PLAAT3: variants seen among roughly 807,000 people sequenced by gnomAD.
PLAAT3 encodes Ca-independent phospholipase A1/2.
Under a neutral mutation model 16.7 loss-of-function variants are expected in PLAAT3, and 21 were observed. The ratio of observed to expected loss-of-function variants is 1.26; its 90% CI spans 0.89 to 1.81. The LOEUF (loss-of-function observed/expected upper bound fraction) is 1.81, where lower values mean the gene tolerates loss of function less well. PLAAT3 is among the 40% of genes most tolerant of loss of function. The probability of loss-of-function intolerance (pLI) is 0.00; values close to 1 mark genes in which losing one functional copy is unlikely to be tolerated. For missense variants in PLAAT3, 219 were observed against 213.7 expected (o/e 1.02, Z -0.16); for synonymous variants, 76 against 81.7 (o/e 0.93, Z 0.38).
chr11:63,588,977 CAAAAAAAAAAA>C (rs58090843), intron 4 of PLAAT3, among the ~76,000 whole-genome samples: 4 of 46,912 alleles, frequency 8.5e-5, no homozygotes, highest in African/African-American at 2.8e-4. Flanking sequence ...ATGAGCCAAG[CAAAAAAAAAAA>C]AAAAAAAAAA....
At chr11:63,589,012 T>TAA (rs1397992691) in intron 4 of PLAAT3, among the ~76,000 whole-genome samples, 1 of 145,202 alleles carries the variant, frequency 6.9e-6, no homozygotes, top group African/African-American at 2.5e-5. Context: ...GAGGATAATT[T>TAA]AAAAAAAAAA....
intron 4 of PLAAT3, among the ~76,000 whole-genome samples, chr11:63,588,333 G>A (rs1318293005): frequency 1.3e-5 from 2 of 152,238 alleles, no homozygotes; most frequent in African/African-American, 4.8e-5. Context: ...GTCTCCCAAA[G>A]TGCTGGGATT....
chr11:63,579,487 T>C (rs1456888614), intron 4 of PLAAT3, among the ~76,000 whole-genome samples: 1 of 151,996 alleles, frequency 6.6e-6, no homozygotes, highest in African/African-American at 2.4e-5. Flanking sequence ...TGTCCAATAA[T>C]GATAGACTGG....
chr11:63,585,088 C>A (rs910931800), intron 4 of PLAAT3, among the ~76,000 whole-genome samples: 1 of 148,886 alleles, frequency 6.7e-6, no homozygotes. Context: ...AGTGCAATGG[C>A]GCAATCTTGG....
chr11:63,613,801 C>G (rs940850827), intron 2 of PLAAT3, among the ~76,000 whole-genome samples, 199 bp downstream of exon 2: 1 of 152,280 alleles, frequency 6.6e-6, no homozygotes, highest in Non-Finnish European at 1.5e-5. Context: ...CACCGGCCCC[C>G]GGAAGGACGC....
intron 2 of PLAAT3, among the ~76,000 whole-genome samples, chr11:63,599,916 G>C (rs1938382450): frequency 1.3e-5 from 2 of 152,164 alleles, no homozygotes; most frequent in Admixed American, 1.3e-4. Flanking sequence ...GCAGTGTGCA[G>C]AGCCAAAGAG....
In PLAAT3 at chr11:63,603,302, G is replaced by GC. The variant is rs1938474948; in HGVS notation, c.16-5140dup. On this transcript the variant is annotated intron_variant, in intron 2 of 4. Coordinates refer to ENST00000415826, the MANE Select transcript of PLAAT3 (RefSeq NM_001128203.2). ...CATGGCAAAGTTCAGGAGAACCCCA[G>GC]CCCACACAGTGACCAAGGCTCTCCC... 1.3e-5 allele frequency among the ~76,000 whole-genome samples: 2 copies of GC among 152,194 alleles called. 1 individual carries two copies. Among genetic ancestry groups the GC allele is most frequent in the African/African-American group, 4.8e-5 (2 of 41,522 alleles).
chr11:63,590,557 C>T (rs560492297), intron 3 of PLAAT3, among the ~76,000 whole-genome samples, 189 bp from the exon 4 acceptor site: 53 of 152,294 alleles, frequency 3.5e-4, no homozygotes, highest in African/African-American at 1.3e-3. Context: ...GTTTCCTTAT[C>T]TAAAATGAAA....
intron 4 of PLAAT3, among the ~76,000 whole-genome samples, chr11:63,576,267 T>A (rs1353579072): frequency 6.6e-6 from 1 of 151,820 alleles, no homozygotes; most frequent in Non-Finnish European, 1.5e-5. Context: ...CAGAGCTCCA[T>A]CCAGTAGCAA....
chr11:63,588,591 T>C (rs143440736), intron 4 of PLAAT3, among the ~76,000 whole-genome samples: 1 of 152,262 alleles, frequency 6.6e-6, no homozygotes, highest in African/African-American at 2.4e-5. Flanking sequence ...CTCAGGGAAG[T>C]TGAAGCCAGA....
At chr11:63,587,507 T>C (rs1938013111) in intron 4 of PLAAT3, among the ~76,000 whole-genome samples, 1 of 151,786 alleles carries the variant, frequency 6.6e-6, no homozygotes, top group South Asian at 2.1e-4. Context: ...AAAATAAAGA[T>C]ATTTTCAGGC....
intron 2 of PLAAT3, among the ~76,000 whole-genome samples, chr11:63,605,841 C>T (rs1372481792): frequency 2.6e-5 from 4 of 152,040 alleles, no homozygotes; most frequent in African/African-American, 9.7e-5. Flanking sequence ...CATGAGCCAC[C>T]GCGCCTGGCC....
At chr11:63,605,449 A>G (rs1228741333) in intron 2 of PLAAT3, among the ~76,000 whole-genome samples, 1 of 152,192 alleles carries the variant, frequency 6.6e-6, no homozygotes, top group African/African-American at 2.4e-5. Context: ...ACGTCTGTAT[A>G]CCTGCCACAC....
intron 3 of PLAAT3, among the ~76,000 whole-genome samples, chr11:63,590,989 G>A (rs939512851): frequency 6.6e-6 from 1 of 152,326 alleles, no homozygotes; most frequent in Admixed American, 6.5e-5. Flanking sequence ...CCAGGATGGT[G>A]GACAGGGAAA....
chr11:63,601,585 G>A (rs1215642897), intron 2 of PLAAT3, among the ~76,000 whole-genome samples: 2 of 152,108 alleles, frequency 1.3e-5, no homozygotes, highest in Non-Finnish European at 2.9e-5. Context: ...TTAGGAGCAA[G>A]GGTTTGATGG....
At chr11:63,600,883 C>T (rs955461118) in intron 2 of PLAAT3, among the ~76,000 whole-genome samples, 3 of 151,964 alleles carry the variant, frequency 2.0e-5, no homozygotes, top group Non-Finnish European at 2.9e-5. Context: ...GGATTACAGG[C>T]GTGAGCCACC....
chr11:63,606,245 G>A (rs1278685391), intron 2 of PLAAT3, among the ~76,000 whole-genome samples: 1 of 152,080 alleles, frequency 6.6e-6, no homozygotes, highest in African/African-American at 2.4e-5. Flanking sequence ...CTGTGATCAG[G>A]GCGTGGAGCT....
chr11:63,595,292 G>GAA (rs59751911), intron 3 of PLAAT3, among the ~76,000 whole-genome samples: 11,658 of 87,668 alleles, frequency 0.13, 616 homozygotes, highest in South Asian at 0.19. Flanking sequence ...CTCCGTCTCG[G>GAA]AAAAAAAAAA....
chr11:63,592,062 G>C (rs77265239), intron 3 of PLAAT3, among the ~76,000 whole-genome samples: 227 of 152,322 alleles, frequency 1.5e-3, no homozygotes, highest in African/African-American at 5.3e-3. Context: ...TCACCAACCA[G>C]CTGAGTGGTC....
Sources: allele counts gnomAD v4.1 joint callset (sites outside exome capture counted in the v4.1 genomes callset), GRCh38; gene constraint gnomAD v4.1.1; transcripts MANE v1.5; gene names NCBI Gene and HGNC (gene_info 2026-07-23, HGNC 2026-07-21).